Variants in RUBCN observed in about 807,000 individuals in gnomAD.
RUBCN encodes the protein rubicon autophagy regulator, also known as run domain Beclin-1-interacting and cysteine-rich domain-containing protein.
In RUBCN, 74 loss-of-function variants were observed where a neutral mutation model predicts 113.2. That is an observed-to-expected ratio of 0.65 (90% CI 0.54 to 0.79). The LOEUF is 0.79. Ranked by LOEUF, RUBCN falls within the 30% of genes least tolerant of loss-of-function variation. RUBCN has a pLI of 0.00. For missense variants in RUBCN, 1,109 were observed against 1,251.7 expected, an observed-to-expected ratio of 0.89 and a Z score of 1.72; for synonymous variants, 480 against 490.0, an observed-to-expected ratio of 0.98 and a Z score of 0.27.
chr3:197,680,454 C>T (rs200275409), intron 16 of RUBCN, among the ~76,000 whole-genome samples: 29 of 151,270 alleles, frequency 1.9e-4, no homozygotes, highest in African/African-American at 6.3e-4. Context: ...GACTGTCCTA[C>T]GCTCTAACTG....
Position 197,675,652 on chromosome 3 carries a change from C to T in RUBCN, c.2647-137G>A. Reference sequence around the variant, plus strand: ...AGGAGGCCTGGGCTGGACTCAGAAGCATGAAAGCTAAACTAGGACCAGGGC... The same window carrying T: ...AGGAGGCCTGGGCTGGACTCAGAAGTATGAAAGCTAAACTAGGACCAGGGC... On this transcript the variant is annotated intron_variant, in intron 18 of 19. Transcript: ENST00000296343. This position sits in a 1 kb window ranked among gnomAD's most constrained non-coding sequence, Gnocchi z 4.4. 2 of 721,354 alleles carry T rather than the reference C, an allele frequency of 2.8e-6. No homozygotes were observed. Among genetic ancestry groups the T allele is most frequent in the East Asian group, 5.2e-5 (2 of 38,620 alleles). 44.7% of individuals were successfully genotyped at this position (721,354 alleles called of 1,614,324 possible). A position where few individuals can be genotyped will look rare whatever the true frequency, so the allele number is the denominator to read the frequency against.
chr3:197,710,598 C>CAAAAAAAAAAAAAAAA (rs374376643), intron 2 of RUBCN, among the ~76,000 whole-genome samples: 1 of 94,308 alleles, frequency 1.1e-5, no homozygotes. Flanking sequence ...AACTCCATCT[C>CAAAAAAAAAAAAAAAA]AAAAAAAAAA....
chr3:197,688,381 C>T (rs997219256), intron 11 of RUBCN, among the ~76,000 whole-genome samples: 5 of 152,210 alleles, frequency 3.3e-5, no homozygotes, highest in African/African-American at 1.2e-4. Flanking sequence ...TCCGGGATGA[C>T]AGGCTGAGCC....
At chr3:197,749,397 G>A (rs1728904759) in exon 1 of RUBCN, 1 of 1,193,106 alleles carries the variant, frequency 8.4e-7, no homozygotes, top group African/African-American at 1.6e-5. Flanking sequence ...GGTGACGCAG[G>A]AACCGTCACT....
chr3:197,691,832 T>C (rs1722453911), intron 11 of RUBCN, among the ~76,000 whole-genome samples: 2 of 152,168 alleles, frequency 1.3e-5, no homozygotes, highest in African/African-American at 4.8e-5. Context: ...CTCTTTCTTT[T>C]TTTTTAATTA....
chr3:197,743,281 G>A (rs758388254), intron 1 of RUBCN, among the ~76,000 whole-genome samples: 14 of 151,322 alleles, frequency 9.3e-5, no homozygotes, highest in Middle Eastern at 3.4e-3. Flanking sequence ...CTGCCACCCC[G>A]TCTGTCATGT....
intron 2 of RUBCN, among the ~76,000 whole-genome samples, chr3:197,709,399 G>A (rs1724696264): frequency 6.6e-6 from 1 of 150,978 alleles, no homozygotes; most frequent in Non-Finnish European, 1.5e-5. Flanking sequence ...TTTTTTCTTT[G>A]AGACGGAGTT....
upstream of RUBCN, among the ~76,000 whole-genome samples, chr3:197,741,143 G>A (rs1234358565): frequency 1.3e-5 from 2 of 152,204 alleles, no homozygotes; most frequent in Non-Finnish European, 2.9e-5. Flanking sequence ...TAAAAAAATA[G>A]TCAATGATCT....
chr3:197,704,841 CT>C, intron 3 of RUBCN, 140 bp from the exon 4 acceptor site: 1 of 1,038,250 alleles, frequency 9.6e-7, no homozygotes, highest in Non-Finnish European at 1.5e-6. Flanking sequence ...TGTAGGCAGG[CT>C]TTTTTGAAAA....
At chr3:197,691,008 C>T (rs774047199) in intron 11 of RUBCN, 9 of 871,324 alleles carry the variant, frequency 1.0e-5, no homozygotes, top group African/African-American at 5.2e-5. Context: ...TAAGTATATA[C>T]GAAAGCTGGT....
At chr3:197,685,814 G>C (rs779360503) in intron 11 of RUBCN, among the ~76,000 whole-genome samples, 7 of 152,190 alleles carry the variant, frequency 4.6e-5, no homozygotes, top group Non-Finnish European at 7.3e-5. Flanking sequence ...TGGCTAGTTA[G>C]TGCTGGTAGA....
In RUBCN at chr3:197,683,249, A is replaced by G. The variant is rs1412726492; in HGVS notation, c.1980+58T>C. ...AGACTAGGGACATGTGACGAAGGAA[A>G]ACAAGGTCACAGAGGCTCACGATGG... On this transcript the variant is annotated intron_variant, in intron 13 of 19. Coordinates refer to ENST00000296343, the MANE Select transcript of RUBCN (RefSeq NM_014687.4). This position sits in a 1 kb window ranked among gnomAD's most constrained non-coding sequence, Gnocchi z 4.6. 9.9e-6 allele frequency: 16 copies of G among 1,609,304 alleles called. No individual in the cohort carries two copies. The highest frequency in any genetic ancestry group is 1.3e-5 in the African/African-American group (1 of 74,854).
chr3:197,736,883 C>T lies in RUBCN; in HGVS notation c.-164G>A. 3 of 1,372,480 alleles carry T rather than the reference C, an allele frequency of 2.2e-6. No individual in the cohort carries two copies. The highest frequency in any genetic ancestry group is 2.8e-6 in the Non-Finnish European group (3 of 1,070,252). 85.0% of individuals were successfully genotyped at this position (1,372,480 alleles called of 1,614,324 possible). On this transcript the variant is annotated 5_prime_UTR_variant, in exon 1 of 20. Coordinates refer to ENST00000296343, the MANE Select transcript of RUBCN (RefSeq NM_014687.4). ...ACAGCGGGAGGGACCGCCGCCTGGG[C>T]TGCGGCTTCTATCCCGGCCACCCCC...
At chr3:197,738,938 C>T (rs1393031151), upstream of RUBCN, among the ~76,000 whole-genome samples, 2 of 151,836 alleles carry the variant, frequency 1.3e-5, no homozygotes, top group African/African-American at 4.8e-5. Flanking sequence ...TTTTGGCATA[C>T]AGTATAATCC....
chr3:197,685,033 G>A (rs1001002998), intron 11 of RUBCN, among the ~76,000 whole-genome samples: 3 of 152,284 alleles, frequency 2.0e-5, no homozygotes, highest in Non-Finnish European at 2.9e-5. Context: ...TTACCAACAC[G>A]TTTTGACAAA....
At chr3:197,738,712 G>T (rs1728365244), upstream of RUBCN, among the ~76,000 whole-genome samples, 1 of 151,882 alleles carries the variant, frequency 6.6e-6, no homozygotes, top group South Asian at 2.1e-4. Flanking sequence ...TTCCCAAGTA[G>T]CTGGGACCAC....
chr3:197,682,504 G>A lies in RUBCN; in HGVS notation c.2092C>T (p.Pro698Ser). ...RGNLEWAPPR[P>S]QIIFNVHPAP... is the part of the protein sequence containing the mutation. ...GGATGAACATTAAAAATTATCTGAG[G>A]CCGGGGCGGGGCCCACTCCAAGTTG... The change falls in exon 14 of 20, where the codon CCT becomes TCT. Residue 698 changes from proline (P) to serine (S), a missense_variant. Pro to Ser is a moderately conservative substitution (Grantham distance 74). This residue lies in a region of RUBCN where 67 missense variants were observed against 123.2 expected (regional missense o/e 0.54). Transcript: ENST00000296343. The A allele has an allele frequency of 6.2e-7, 1 of 1,614,150 alleles. No individual in the cohort carries two copies. Among genetic ancestry groups the A allele is most frequent in the Non-Finnish European group, 8.5e-7 (1 of 1,180,032 alleles).
intron 11 of RUBCN, among the ~76,000 whole-genome samples, chr3:197,684,708 G>A (rs1054934358): frequency 5.4e-5 from 8 of 147,708 alleles, no homozygotes; most frequent in Non-Finnish European, 1.2e-4. Context: ...ACATATATAC[G>A]CACACACATA....
intron 1 of RUBCN, among the ~76,000 whole-genome samples, chr3:197,729,307 C>T (rs910718605): frequency 6.6e-6 from 1 of 152,038 alleles, no homozygotes; most frequent in Non-Finnish European, 1.5e-5. Flanking sequence ...GCCTGGAGTG[C>T]AGCGGCGCGA....
Sources: allele counts gnomAD v4.1 joint callset (sites outside exome capture counted in the v4.1 genomes callset), GRCh38; gene constraint gnomAD v4.1.1; regional missense constraint gnomAD v4.1.1; non-coding constraint Gnocchi (gnomAD v3.1); transcripts MANE v1.5; gene names NCBI Gene and HGNC (gene_info 2026-07-23, HGNC 2026-07-21).